Variants in KIAA0825 observed in about 807,000 individuals in gnomAD.
KIAA0825 encodes the protein KIAA0825.
KIAA0825 carries 119 observed loss-of-function variants against 147.6 expected under a neutral mutation model. The ratio of observed to expected loss-of-function variants is 0.81; its 90% confidence interval spans 0.69 to 0.94. The LOEUF (loss-of-function observed/expected upper bound fraction) is 0.94. KIAA0825 is among the 40% of genes least tolerant of loss of function. The pLI is 0.00. For missense variants in KIAA0825, 1,381 were observed against 1,472.7 expected (o/e 0.94, Z 1.02); for synonymous variants, 470 against 518.1 (o/e 0.91, Z 1.26).
chr5:94,483,725 A>G (rs1762739909), intron 6 of KIAA0825, among the ~76,000 whole-genome samples: 1 of 151,860 alleles, frequency 6.6e-6, no homozygotes, highest in Admixed American at 6.6e-5. Context: ...CCTGAAACAA[A>G]GAAGGCCAGT....
intron 15 of KIAA0825, chr5:94,414,429 T>C (rs1753174158): frequency 6.6e-6 from 1 of 152,208 alleles, no homozygotes; most frequent in South Asian, 2.1e-4. Context: ...CAAATTTATT[T>C]CTTACAGAGT....
At chr5:94,529,420 A>C (rs984272266) in intron 3 of KIAA0825, among the ~76,000 whole-genome samples, 1 of 147,180 alleles carries the variant, frequency 6.8e-6, no homozygotes, top group African/African-American at 2.5e-5. Flanking sequence ...ATATGTATAT[A>C]TCATATGTAT....
At chr5:94,566,084 T>C (rs1280774920) in intron 2 of KIAA0825, among the ~76,000 whole-genome samples, 1 of 152,228 alleles carries the variant, frequency 6.6e-6, no homozygotes, top group Non-Finnish European at 1.5e-5. Flanking sequence ...GGTTCATCCA[T>C]ATTGTTGCAA....
intron 20 of KIAA0825, among the ~76,000 whole-genome samples, chr5:94,191,371 T>C (rs1770663959): frequency 6.6e-6 from 1 of 152,172 alleles, no homozygotes; most frequent in African/African-American, 2.4e-5. Context: ...TAAGCACCCA[T>C]ACTCACAAAA....
chr5:94,573,102 C>G (rs4869215), intron 2 of KIAA0825, among the ~76,000 whole-genome samples: 1 of 109,886 alleles, frequency 9.1e-6, no homozygotes, highest in Admixed American at 1.2e-4. Context: ...TTCAGAAAAG[C>G]GGGACAACTC....
intron 14 of KIAA0825, among the ~76,000 whole-genome samples, chr5:94,425,525 G>A (rs958176935): frequency 1.3e-5 from 2 of 152,048 alleles, no homozygotes; most frequent in Non-Finnish European, 2.9e-5. Context: ...GATCACTTGC[G>A]GCCAGGCATT....
intron 20 of KIAA0825, among the ~76,000 whole-genome samples, chr5:94,367,381 C>G (rs1584271936): frequency 6.6e-6 from 1 of 152,010 alleles, no homozygotes; most frequent in Non-Finnish European, 1.5e-5. Context: ...GCCTGTAATC[C>G]CAGCTACTTA....
At chr5:94,587,787 T>TTCA (rs953137903) in intron 1 of KIAA0825, among the ~76,000 whole-genome samples, 3 of 152,178 alleles carry the variant, frequency 2.0e-5, no homozygotes, top group African/African-American at 4.8e-5. Flanking sequence ...GCTACCTGAC[T>TTCA]TCAAACTACA....
At position 94,600,388 on chromosome 5, in the gene KIAA0825, T is replaced by C. The variant is rs142932767; in HGVS notation, c.-152-17805A>G. 2.0e-5 allele frequency among the ~76,000 whole-genome samples: 3 copies of C among 151,892 alleles called. No individual in the cohort carries two copies. In the East Asian group the frequency reaches 5.8e-4, roughly 29 times the overall value. ...TATATATATTCCTTATATTTCCTTA[T>C]ATTTATATTTCCTTACATATATTAT... is the stretch of plus-strand genomic sequence containing the variant. On this transcript the variant is annotated intron_variant, in intron 1 of 20. Transcript: ENST00000682413.
intron 12 of KIAA0825, among the ~76,000 whole-genome samples, chr5:94,461,750 T>C (rs962567194): frequency 1.3e-5 from 2 of 151,886 alleles, no homozygotes; most frequent in Non-Finnish European, 3.0e-5. Flanking sequence ...TTACTACCCA[T>C]GAAGATACAA....
chr5:94,435,730 C>T (rs1584485427), intron 14 of KIAA0825, among the ~76,000 whole-genome samples: 2 of 152,260 alleles, frequency 1.3e-5, no homozygotes, highest in Non-Finnish European at 2.9e-5. Context: ...CTAATTTATG[C>T]TTCCACCAAC....
chr5:94,580,975 T>TTAAAA (rs1409159940), intron 2 of KIAA0825, among the ~76,000 whole-genome samples: 2 of 148,598 alleles, frequency 1.3e-5, no homozygotes, highest in African/African-American at 2.5e-5. Flanking sequence ...AAGTGTTACT[T>TTAAAA]TAAAATAATA....
At chr5:94,351,506 T>C (rs1439645632) in intron 20 of KIAA0825, among the ~76,000 whole-genome samples, 1 of 152,290 alleles carries the variant, frequency 6.6e-6, no homozygotes, top group African/African-American at 2.4e-5. Flanking sequence ...TGAAAGTGAC[T>C]ATACTGCCAA....
intron 20 of KIAA0825, among the ~76,000 whole-genome samples, chr5:94,345,920 G>C (rs935245139): frequency 1.3e-5 from 2 of 152,096 alleles, no homozygotes; most frequent in African/African-American, 4.8e-5. Context: ...CAGGGGGTAC[G>C]TGACTGGGGG....
Position 94,464,064 on chromosome 5 carries a change from C to CA in KIAA0825, c.2063+804dup, listed in dbSNP as rs11364703. 7.6e-3 allele frequency among the ~76,000 whole-genome samples: 688 copies of CA among 90,252 alleles called. 7 individuals carry two copies. Among genetic ancestry groups the CA allele is most frequent in the Middle Eastern group, 0.058 (9 of 154 alleles). The allele number at this position is 90,252 out of a possible 152,430, so 59.2% of individuals were successfully genotyped here. The stretch of plus-strand genomic sequence containing the variant: ...ATGATCAGGAAATGATTCCTCCTGC[C>CA]AAAAAAAAAAAAAAAAAAAAAGAAA... On this transcript the variant is annotated intron_variant, in intron 11 of 20. Coordinates refer to ENST00000682413, the MANE Select transcript of KIAA0825 (RefSeq NM_001145678.3).
At chr5:94,267,370 A>C (rs971167382) in intron 20 of KIAA0825, among the ~76,000 whole-genome samples, 2 of 152,222 alleles carry the variant, frequency 1.3e-5, no homozygotes, top group African/African-American at 4.8e-5. Flanking sequence ...GTACTGGAGC[A>C]TCACTTCCTC....
chr5:94,559,775 T>C (rs753350690), intron 2 of KIAA0825, among the ~76,000 whole-genome samples: 3 of 152,198 alleles, frequency 2.0e-5, no homozygotes, highest in Non-Finnish European at 2.9e-5. Flanking sequence ...TCCAAGTACT[T>C]ACCAGACAAT....
Position 94,471,734 on chromosome 5 carries a change from AG to A in KIAA0825, c.1456-4del. On this transcript the variant is annotated splice_region_variant and splice_polypyrimidine_tract_variant and intron_variant, in intron 8 of 20. Coordinates refer to ENST00000682413, the MANE Select transcript of KIAA0825 (RefSeq NM_001145678.3). Reference sequence around the variant, plus strand: ...TTTTCCATGATGTCAGAACAAAACTAGGGAGAAATAAATGTGGCACTGAGTT... The same window carrying A: ...TTTTCCATGATGTCAGAACAAAACTAGGAGAAATAAATGTGGCACTGAGTT... The A allele has an allele frequency of 6.4e-7, 1 of 1,552,088 alleles. No homozygotes were observed.
intron 1 of KIAA0825, chr5:94,593,850 A>G: frequency 2.8e-6 from 1 of 356,346 alleles, no homozygotes; most frequent in Non-Finnish European, 5.7e-6. Flanking sequence ...ATACCAACTG[A>G]GATGTCCATT....
Sources: allele counts gnomAD v4.1 joint callset (sites outside exome capture counted in the v4.1 genomes callset), GRCh38; gene constraint gnomAD v4.1.1; transcripts MANE v1.5; gene names NCBI Gene and HGNC (gene_info 2026-07-23, HGNC 2026-07-21).